The following AUTS2 variants were observed in gnomAD, a reference collection of about 807,000 sequenced individuals.
AUTS2 encodes the protein autism susceptibility gene 2 protein.
Under a neutral mutation model 112.4 loss-of-function variants are expected in AUTS2, and 17 were observed. That is an observed-to-expected ratio of 0.15 (90% CI 0.10 to 0.23). The LOEUF is 0.23. Among genes scored for constraint, AUTS2 ranks in the 10% least tolerant of loss-of-function variants. AUTS2 has a pLI of 1.00. For missense variants in AUTS2, 1,510 were observed against 1,701.6 expected, an observed-to-expected ratio of 0.89 and a Z score of 1.98; for synonymous variants, 751 against 702.7, an observed-to-expected ratio of 1.07 and a Z score of -1.09.
intron 2 of AUTS2, among the ~76,000 whole-genome samples, chr7:70,066,497 G>A (rs928577274): frequency 6.7e-6 from 1 of 148,216 alleles, no homozygotes; most frequent in Non-Finnish European, 1.5e-5. Context: ...CCTAGTAAAA[G>A]TTTAATTTTA....
chr7:70,724,580 T>TA (rs1786908109), intron 6 of AUTS2, among the ~76,000 whole-genome samples: 1 of 151,518 alleles, frequency 6.6e-6, no homozygotes, highest in Admixed American at 6.6e-5. Flanking sequence ...CGAGTAGCTG[T>TA]GACTACAGGC....
intron 5 of AUTS2, among the ~76,000 whole-genome samples, chr7:70,625,848 AATC>A (rs1483141142): frequency 3.9e-5 from 6 of 152,294 alleles, no homozygotes; most frequent in African/African-American, 1.4e-4. Flanking sequence ...AAATTGGCTA[AATC>A]ATCATTTTTC....
chr7:69,677,737 T>A (rs1047852141), intron 1 of AUTS2, among the ~76,000 whole-genome samples: 3 of 152,212 alleles, frequency 2.0e-5, no homozygotes, highest in Admixed American at 2.0e-4. Context: ...CTCCTCTAGG[T>A]TAAATGTACT....
At chr7:70,261,386 T>A (rs1787162029) in intron 4 of AUTS2, among the ~76,000 whole-genome samples, 1 of 152,216 alleles carries the variant, frequency 6.6e-6, no homozygotes, top group South Asian at 2.1e-4. Flanking sequence ...AAATGTTGTT[T>A]CTTGATTGTG....
chr7:70,534,465 C>T (rs62455784), intron 5 of AUTS2, among the ~76,000 whole-genome samples: 4,894 of 152,126 alleles, frequency 0.032, 139 homozygotes, highest in Admixed American at 0.1. Flanking sequence ...CTCACTCTGT[C>T]GCCCGGGCTG....
In AUTS2 at chr7:70,737,629, G is replaced by A. The variant is rs865834724; in HGVS notation, c.743-25241G>A. On this transcript the variant is annotated intron_variant, in intron 6 of 18. Coordinates refer to ENST00000342771, the MANE Select transcript of AUTS2 (RefSeq NM_015570.4). ...TGGTTTCCCCTTTCCTTAAACTCAC[G>A]GACCACAGTTACTAAATAGTTTCCA... Among the ~76,000 whole-genome samples the A allele has an allele frequency of 7.9e-5, 12 of 152,222 alleles. 1 individual carries two copies. The highest frequency in any genetic ancestry group is 1.2e-4 in the Non-Finnish European group (8 of 68,018).
intron 1 of AUTS2, among the ~76,000 whole-genome samples, chr7:69,704,617 T>C (rs1797977044): frequency 6.6e-6 from 1 of 152,132 alleles, no homozygotes; most frequent in African/African-American, 2.4e-5. Flanking sequence ...TTTCTTGTGG[T>C]CCAGGCCACA....
At chr7:70,481,342 T>C (rs561978298) in intron 5 of AUTS2, among the ~76,000 whole-genome samples, 2 of 152,312 alleles carry the variant, frequency 1.3e-5, no homozygotes, top group South Asian at 4.2e-4. Context: ...CTGACATGAA[T>C]AAATGCCACG....
At chr7:70,068,806 G>A (rs545531775) in intron 2 of AUTS2, among the ~76,000 whole-genome samples, 11 of 152,298 alleles carry the variant, frequency 7.2e-5, no homozygotes, top group African/African-American at 2.6e-4. Context: ...ACAGAGAAAT[G>A]CTCACACATG....
chr7:70,764,853 GC>G lies in AUTS2; in HGVS notation c.1321del (p.Leu441CysfsTer32). 4.3e-6 allele frequency: 4 copies of G among 938,948 alleles called. No homozygotes were observed. The highest frequency in any genetic ancestry group is 4.2e-6 in the Non-Finnish European group (3 of 707,676). The allele number at this position is 938,948 out of a possible 1,614,324, so 58.2% of individuals were successfully genotyped here. Reference sequence around the variant, plus strand: ...TTCCCCCTCTCCCTGCCCAACCACAGCCCCCTGCACAGCTTCACACCCACCC... The same window carrying G: ...TTCCCCCTCTCCCTGCCCAACCACAGCCCCTGCACAGCTTCACACCCACCC... Reference protein sequence around the residue: ...SPFPLSLPNHSPLHSFTPTLQ... With the variant: ...SPFPLSLPNHXPLHSFTPTLQ... On this transcript the variant is annotated frameshift_variant, in exon 8 of 19. Transcript: ENST00000342771. LOFTEE classifies it high-confidence loss of function.
At chr7:69,837,220 T>G (rs1012512607) in intron 1 of AUTS2, among the ~76,000 whole-genome samples, 2 of 152,182 alleles carry the variant, frequency 1.3e-5, no homozygotes, top group African/African-American at 2.4e-5. Flanking sequence ...CAAATGCACA[T>G]AGATAGTTAG....
At chr7:69,662,254 G>A (rs1025338665) in intron 1 of AUTS2, among the ~76,000 whole-genome samples, 1 of 151,120 alleles carries the variant, frequency 6.6e-6, no homozygotes, top group Non-Finnish European at 1.5e-5. Context: ...AGGGCCATTT[G>A]ATAGTAATTG....
intron 2 of AUTS2, among the ~76,000 whole-genome samples, chr7:69,926,360 T>C (rs1796007563): frequency 1.3e-5 from 2 of 152,202 alleles, no homozygotes; most frequent in Admixed American, 6.5e-5. Context: ...GTGGTATTGA[T>C]TGATTGATCC....
chr7:70,502,953 A>G (rs1218531092), intron 5 of AUTS2, among the ~76,000 whole-genome samples: 1 of 152,122 alleles, frequency 6.6e-6, no homozygotes, highest in Admixed American at 6.5e-5. Flanking sequence ...ACATCACAAA[A>G]CACTTAGCAA....
At chr7:70,610,952 A>G (rs1309015205) in intron 5 of AUTS2, among the ~76,000 whole-genome samples, 1 of 152,020 alleles carries the variant, frequency 6.6e-6, no homozygotes, top group African/African-American at 2.4e-5. Context: ...CACTCTGTTG[A>G]TTGTTTCCTT....
At chr7:70,180,473 G>A (rs532313295) in intron 4 of AUTS2, among the ~76,000 whole-genome samples, 38 of 152,166 alleles carry the variant, frequency 2.5e-4, no homozygotes, top group African/African-American at 8.4e-4. Flanking sequence ...ATGTCTTCTC[G>A]GTATTCTTTG....
At chr7:70,731,271 T>G (rs1264949550) in intron 6 of AUTS2, among the ~76,000 whole-genome samples, 2 of 151,918 alleles carry the variant, frequency 1.3e-5, no homozygotes, top group African/African-American at 4.8e-5. Context: ...CTCATTTTAT[T>G]TCACCTTTTA....
At chr7:70,269,858 T>C (rs1253260614) in intron 4 of AUTS2, among the ~76,000 whole-genome samples, 1 of 152,170 alleles carries the variant, frequency 6.6e-6, no homozygotes, top group Non-Finnish European at 1.5e-5. Context: ...TTTACTCCTA[T>C]AATGTGTGAA....
chr7:69,942,559 C>T (rs565091858), intron 2 of AUTS2, among the ~76,000 whole-genome samples: 27 of 152,208 alleles, frequency 1.8e-4, no homozygotes, highest in Admixed American at 5.2e-4. Context: ...AAAGAAAGCC[C>T]GCTATTAAAT....
Sources: allele counts gnomAD v4.1 joint callset (sites outside exome capture counted in the v4.1 genomes callset), GRCh38; gene constraint gnomAD v4.1.1; transcripts MANE v1.5; gene names NCBI Gene and HGNC (gene_info 2026-07-23, HGNC 2026-07-21).